ATP13A4: variants seen among roughly 807,000 people sequenced by gnomAD.
ATP13A4 encodes ATPase 13A4, also known as probable cation-transporting ATPase 13A4.
A neutral mutation model predicts 142.5 loss-of-function variants in ATP13A4; 114 were observed. The observed-to-expected ratio is 0.80, with a 90% confidence interval of 0.69 to 0.93. ATP13A4 has a LOEUF of 0.93. Among genes scored for constraint, ATP13A4 ranks in the 40% least tolerant of loss-of-function variants. The pLI, the probability that ATP13A4 is intolerant of heterozygous loss-of-function variation, is 0.00. For synonymous variants in ATP13A4, 488 were observed against 514.8 expected (o/e 0.95, Z 0.70); for missense variants, 1,392 against 1,454.0 (o/e 0.96, Z 0.69).
At chr3:193,580,990 T>A (rs1465196831) in intron 2 of ATP13A4, among the ~76,000 whole-genome samples, 1 of 152,230 alleles carries the variant, frequency 6.6e-6, no homozygotes, top group Non-Finnish European at 1.5e-5. Flanking sequence ...TACATTTTAC[T>A]ATGAATAAAT....
chr3:193,500,379 A>C (rs1443746320), intron 3 of ATP13A4, among the ~76,000 whole-genome samples: 1 of 151,992 alleles, frequency 6.6e-6, no homozygotes, highest in African/African-American at 2.4e-5. Context: ...CTGTTTCCAA[A>C]CCTGACATAG....
At chr3:193,471,413 A>G (rs1243754242) in intron 8 of ATP13A4, among the ~76,000 whole-genome samples, 1 of 151,958 alleles carries the variant, frequency 6.6e-6, no homozygotes, top group Non-Finnish European at 1.5e-5. Context: ...ACCAAAAAAT[A>G]AAAAATAAAA....
chr3:193,404,109 T>C (rs1714377027), intron 29 of ATP13A4: 1 of 985,412 alleles, frequency 1.0e-6, no homozygotes. Flanking sequence ...TCTACTTTCC[T>C]GCAGCAAGGT....
chr3:193,456,349 A>C (rs1431470222), intron 16 of ATP13A4, among the ~76,000 whole-genome samples: 1 of 152,086 alleles, frequency 6.6e-6, no homozygotes, highest in Non-Finnish European at 1.5e-5. Flanking sequence ...CCAGCCTGGG[A>C]GGAGGTGGTT....
At chr3:193,455,655 A>T (rs886778784) in intron 16 of ATP13A4, among the ~76,000 whole-genome samples, 1 of 152,218 alleles carries the variant, frequency 6.6e-6, no homozygotes, top group Non-Finnish European at 1.5e-5. Context: ...AGACAGAAAT[A>T]CCATTCAGCC....
intron 25 of ATP13A4, among the ~76,000 whole-genome samples, chr3:193,429,034 C>A (rs2220522): frequency 6.6e-6 from 1 of 151,556 alleles, no homozygotes; most frequent in Non-Finnish European, 1.5e-5. Context: ...ATGTAAATGG[C>A]TGATGAGCAC....
chr3:193,497,407 C>CA (rs982261087), intron 3 of ATP13A4, among the ~76,000 whole-genome samples: 9 of 151,752 alleles, frequency 5.9e-5, no homozygotes, highest in Non-Finnish European at 1.0e-4. Flanking sequence ...TATCAAAAGA[C>CA]AAAAAAATGA....
At chr3:193,464,406 G>C (rs1718142039) in intron 12 of ATP13A4, among the ~76,000 whole-genome samples, 1 of 152,202 alleles carries the variant, frequency 6.6e-6, no homozygotes, top group Non-Finnish European at 1.5e-5. Context: ...AGAATACGAG[G>C]CTGGTTGGGA....
intron 1 of ATP13A4, among the ~76,000 whole-genome samples, chr3:193,588,065 C>T (rs1175567186): frequency 3.3e-5 from 5 of 152,132 alleles, no homozygotes; most frequent in South Asian, 2.1e-4. Flanking sequence ...CCCAGGAGTT[C>T]GAGGCTGCAG....
intron 1 of ATP13A4, among the ~76,000 whole-genome samples, chr3:193,546,777 C>G (rs967618019): frequency 2.0e-5 from 3 of 152,194 alleles, no homozygotes; most frequent in African/African-American, 7.2e-5. Flanking sequence ...CATGGCCTGC[C>G]ATTTACTTTG....
At chr3:193,499,336 C>T (rs1720412074) in intron 3 of ATP13A4, among the ~76,000 whole-genome samples, 1 of 152,190 alleles carries the variant, frequency 6.6e-6, no homozygotes, top group Non-Finnish European at 1.5e-5. Flanking sequence ...GCCATCATGA[C>T]ACATGTTGAA....
rs974228128 is a variant in ATP13A4, at chr3:193,400,977, G to A, written c.*1675C>T. Among the ~76,000 whole-genome samples, 1 of 152,194 alleles carries A rather than the reference G, an allele frequency of 6.6e-6. No individual in the cohort carries two copies. Among genetic ancestry groups the A allele is most frequent in the Non-Finnish European group, 1.5e-5 (1 of 68,034 alleles). On this transcript the variant is annotated 3_prime_UTR_variant, in exon 30 of 30. Transcript: ENST00000342695. ...AAAAAGACAGTGATTCTGCAGTCTT[G>A]AAACACTAAAATATCTTCACGCCCT...
At chr3:193,426,426 T>A (rs909028478) in intron 25 of ATP13A4, among the ~76,000 whole-genome samples, 3 of 151,880 alleles carry the variant, frequency 2.0e-5, no homozygotes, top group Non-Finnish European at 2.9e-5. Context: ...ATTATTAAGA[T>A]GTTTGTACTA....
rs774679432 is a variant in ATP13A4, at chr3:193,402,760, G to A, written c.3483C>T (p.Asp1161=). 2 of 1,613,580 alleles carry A rather than the reference G, an allele frequency of 1.2e-6. No individual in the cohort carries two copies. The highest frequency in any genetic ancestry group is 1.3e-5 in the African/African-American group (1 of 74,890). ...YRIWQRDLAN[D]PSWPPLNQTS... is the part of the protein sequence containing the mutation. ...TTTGGTTTAGCGGGGGCCAACTAGG[G>A]TCATTTGCCAAGTCCCTCTGCCATA... Residue 1161 remains aspartate (D), a synonymous_variant, in exon 30 of 30, where the codon GAC becomes GAT. Transcript: ENST00000342695.
intron 2 of ATP13A4, among the ~76,000 whole-genome samples, chr3:193,563,263 G>A (rs1724056748): frequency 6.6e-6 from 1 of 152,114 alleles, no homozygotes; most frequent in South Asian, 2.1e-4. Context: ...AAGAGTGTCA[G>A]CCCATCAGGA....
At chr3:193,493,254 A>G in intron 3 of ATP13A4, 94 bp from the exon 4 acceptor site, 2 of 1,046,010 alleles carry the variant, frequency 1.9e-6, no homozygotes, top group Non-Finnish European at 2.9e-6. Context: ...TGAAAAGCAA[A>G]GATAAAACTC....
At chr3:193,559,665 A>G (rs1723973436), upstream of ATP13A4, among the ~76,000 whole-genome samples, 1 of 152,234 alleles carries the variant, frequency 6.6e-6, no homozygotes, top group Admixed American at 6.5e-5. Context: ...AGAAAAGAGC[A>G]GGCTGATGCT....
intron 1 of ATP13A4, among the ~76,000 whole-genome samples, chr3:193,530,252 T>C (rs944550363): frequency 6.6e-6 from 1 of 152,176 alleles, no homozygotes. Flanking sequence ...TCTCAAATCC[T>C]GTCTCAACCT....
intron 2 of ATP13A4, among the ~76,000 whole-genome samples, chr3:193,504,020 T>A (rs866591368): frequency 0.011 from 1,598 of 144,284 alleles, 15 homozygotes; most frequent in Middle Eastern, 0.017. Context: ...TGTGTGTGTG[T>A]GAGAGAGAGA....
Sources: gnomAD v4.1 joint callset for allele counts (sites outside exome capture counted in the v4.1 genomes callset) on GRCh38, gnomAD v4.1.1 for gene constraint, MANE v1.5 for transcripts, NCBI Gene and HGNC (gene_info 2026-07-23, HGNC 2026-07-21) for gene names.